The following LHX4 variants were observed in gnomAD, a reference collection of about 807,000 sequenced individuals.
The protein encoded by LHX4 is LIM/homeobox protein Lhx4.
A neutral mutation model predicts 39.2 loss-of-function variants in LHX4; 16 were observed. The observed-to-expected ratio is 0.41, with a 90% CI of 0.28 to 0.62. The LOEUF is 0.62. Among genes scored for constraint, LHX4 ranks in the 20% least tolerant of loss-of-function variants. The probability of loss-of-function intolerance (pLI) is 0.33; values close to 1 mark genes in which losing one functional copy is unlikely to be tolerated. For synonymous variants in LHX4, 206 were observed against 198.1 expected (o/e 1.04, Z -0.33); for missense variants, 439 against 511.9 (o/e 0.86, Z 1.37).
rs1340315414 is a variant in LHX4, at chr1:180,275,696, T to C, written c.*1117T>C. 2 of 152,120 alleles carry C rather than the reference T, an allele frequency of 1.3e-5. No homozygotes were observed. Among genetic ancestry groups the C allele is most frequent in the Non-Finnish European group, 1.5e-5 (1 of 68,050 alleles). The allele number at this position is 152,120 out of a possible 1,614,324, so 9.4% of individuals were successfully genotyped here. ...GCAATTTTTTTTTGGCCTACCTTGG[T>C]TGGGAAGAGTAATTTAGGGAGCAGC... On this transcript the variant is annotated 3_prime_UTR_variant, in exon 6 of 6. Coordinates refer to ENST00000263726, the MANE Select transcript of LHX4 (RefSeq NM_033343.4).
chr1:180,258,728 C>T (rs965910418), intron 2 of LHX4, among the ~76,000 whole-genome samples: 7 of 152,028 alleles, frequency 4.6e-5, no homozygotes, highest in African/African-American at 1.7e-4. Context: ...CTCTTGAGCC[C>T]AGGAATTCAA....
rs1282372561 is a variant in LHX4, at chr1:180,275,350, C to G, written c.*771C>G. On this transcript the variant is annotated 3_prime_UTR_variant, in exon 6 of 6. Coordinates refer to ENST00000263726, the MANE Select transcript of LHX4 (RefSeq NM_033343.4). ...GTCGTCCCCTTGGTGCACAGTGTGC[C>G]TTCTTCAATTGCTTGTATCATTTAT... 2 of 152,192 alleles carry G rather than the reference C, an allele frequency of 1.3e-5. No individual in the cohort carries two copies. Among genetic ancestry groups the G allele is most frequent in the Admixed American group, 6.5e-5 (1 of 15,280 alleles). 9.4% of individuals were successfully genotyped at this position (152,192 alleles called of 1,614,324 possible).
intron 2 of LHX4, among the ~76,000 whole-genome samples, chr1:180,253,822 T>C (rs2149258480): frequency 6.6e-6 from 1 of 152,328 alleles, no homozygotes. Context: ...GGGCCTGCGC[T>C]GGCTTTCCTG....
intron 2 of LHX4, among the ~76,000 whole-genome samples, chr1:180,260,709 C>A (rs1003588146): frequency 6.6e-5 from 10 of 151,754 alleles, no homozygotes; most frequent in African/African-American, 2.4e-4. Context: ...CCCTGGCCAC[C>A]CCAGCACTGC....
chr1:180,232,250 A>G lies in LHX4; in HGVS notation c.76+1645A>G, dbSNP rs1408965732. 2.0e-5 allele frequency among the ~76,000 whole-genome samples: 3 copies of G among 152,180 alleles called. No individual in the cohort carries two copies. Among genetic ancestry groups the G allele is most frequent in the Non-Finnish European group, 4.4e-5 (3 of 68,034 alleles). On this transcript the variant is annotated intron_variant, in intron 1 of 5. Transcript: ENST00000263726. The surrounding 1 kb of genome is among the most constrained non-coding windows in gnomAD (Gnocchi z 5.4). ...GTTACTAGTGTCCTTGGTACCCAGT[A>G]CGTCTGTGCTTTCATGGCTGTGGTC...
At position 180,278,817 on chromosome 1, in the gene LHX4, T is replaced by TGG. The variant is rs1649200098; in HGVS notation, c.*4241_*4242dup. ...TAAAGAGAAATGAAGTCTCGTTTCC[T>TGG]GGGGAAAAAAAAGAAAAAAAGAAAA... On this transcript the variant is annotated 3_prime_UTR_variant, in exon 6 of 6. Transcript: ENST00000263726. The TGG allele has an allele frequency of 4.7e-5, 7 of 149,960 alleles. No homozygotes were observed. The highest frequency in any genetic ancestry group is 1.8e-4 in the African/African-American group (7 of 39,934). 9.3% of individuals were successfully genotyped at this position (149,960 alleles called of 1,614,324 possible). A position where few individuals can be genotyped will look rare whatever the true frequency, so the allele number is the denominator to read the frequency against.
Position 180,274,689 on chromosome 1 carries a change from T to G in LHX4, c.*110T>G. On this transcript the variant is annotated 3_prime_UTR_variant, in exon 6 of 6. Coordinates refer to ENST00000263726, the MANE Select transcript of LHX4 (RefSeq NM_033343.4). Reference sequence around the variant, plus strand: ...AAAGTACGCCAATGTGAATTTCCATTATTTTCAATGGAAGTCCTCCGCTGA... The same window carrying G: ...AAAGTACGCCAATGTGAATTTCCATGATTTTCAATGGAAGTCCTCCGCTGA... The G allele has an allele frequency of 1.6e-6, 2 of 1,288,380 alleles. No homozygotes were observed. Among genetic ancestry groups the G allele is most frequent in the Non-Finnish European group, 2.1e-6 (2 of 943,172 alleles). The allele number at this position is 1,288,380 out of a possible 1,614,324, so 79.8% of individuals were successfully genotyped here.
At chr1:180,250,153 CCCT>C (rs1395674430) in intron 2 of LHX4, among the ~76,000 whole-genome samples, 5 of 152,230 alleles carry the variant, frequency 3.3e-5, no homozygotes, top group Non-Finnish European at 2.9e-5. Context: ...CCACCTCTGA[CCCT>C]CCTCTAGTTT....
chr1:180,268,067 C>T (rs919989445), intron 3 of LHX4, among the ~76,000 whole-genome samples: 4 of 152,222 alleles, frequency 2.6e-5, no homozygotes, highest in Admixed American at 6.5e-5. Context: ...TCCCAAGGCT[C>T]TTTGCCTGCA....
rs1664251298 is a variant in LHX4, at chr1:180,234,174, TATATATATATATATATATA to T, written c.76+3570_76+3588del. ...ACACACACAACACACACAAATTATA[TATATATATATATATATATA>T]TATATATATATATATATATATATAT... On this transcript the variant is annotated intron_variant, in intron 1 of 5. Coordinates refer to ENST00000263726, the MANE Select transcript of LHX4 (RefSeq NM_033343.4). The surrounding 1 kb of genome is among the most constrained non-coding windows in gnomAD (Gnocchi z 4.8). Among the ~76,000 whole-genome samples the T allele has an allele frequency of 2.8e-4, 3 of 10,864 alleles. No homozygotes were observed. The highest frequency in any genetic ancestry group is 5.5e-4 in the Non-Finnish European group (3 of 5,502). 7.1% of individuals were successfully genotyped at this position (10,864 alleles called of 152,430 possible). A position where few individuals can be genotyped will look rare whatever the true frequency, so the allele number is the denominator to read the frequency against.
At chr1:180,255,337 T>C (rs1436708852) in intron 2 of LHX4, among the ~76,000 whole-genome samples, 2 of 152,080 alleles carry the variant, frequency 1.3e-5, no homozygotes, top group East Asian at 1.9e-4. Context: ...CACACACACA[T>C]GCACACATGC....
chr1:180,230,268 C>A lies in LHX4; in HGVS notation c.-262C>A, dbSNP rs1372815501. 1 of 559,600 alleles carries A rather than the reference C, an allele frequency of 1.8e-6. No individual in the cohort carries two copies. Among genetic ancestry groups the A allele is most frequent in the South Asian group, 2.1e-5 (1 of 48,628 alleles). 34.7% of individuals were successfully genotyped at this position (559,600 alleles called of 1,614,324 possible). ...GGAGGGAAGAGGAAAAAAGCCAGAG[C>A]TGCAGCAACAGCGTCTCAACCTGGG... is the stretch of plus-strand genomic sequence containing the variant. On this transcript the variant is annotated 5_prime_UTR_variant, in exon 1 of 6. In the 5' UTR this introduces an upstream ATG that the reference lacks. Transcript: ENST00000263726. This position sits in a 1 kb window ranked among gnomAD's most constrained non-coding sequence, Gnocchi z 5.8.
At chr1:180,249,360 C>T (rs968857469) in intron 2 of LHX4, among the ~76,000 whole-genome samples, 1 of 152,202 alleles carries the variant, frequency 6.6e-6, no homozygotes, top group Non-Finnish European at 1.5e-5. Context: ...TAGTCCTTGA[C>T]TTCTCTCCCA....
intron 1 of LHX4, among the ~76,000 whole-genome samples, chr1:180,235,474 C>T (rs1664293470): frequency 6.6e-6 from 1 of 152,228 alleles, no homozygotes; most frequent in Non-Finnish European, 1.5e-5. Flanking sequence ...CAAAATTAAA[C>T]CCCAACCCTG....
chr1:180,264,748 G>A (rs1413829699), intron 2 of LHX4, among the ~76,000 whole-genome samples: 12 of 152,156 alleles, frequency 7.9e-5, no homozygotes, highest in Admixed American at 2.0e-4. Flanking sequence ...TGACCCTCAC[G>A]CAGAGAACTC....
chr1:180,235,444 G>C (rs1664293074), intron 1 of LHX4, among the ~76,000 whole-genome samples: 1 of 152,232 alleles, frequency 6.6e-6, no homozygotes, highest in South Asian at 2.1e-4. Flanking sequence ...GACCCATTTC[G>C]TTCCAAGCAT....
rs1215710703 is a variant in LHX4, at chr1:180,266,344, G to A, written c.249-48G>A. The A allele has an allele frequency of 3.1e-6, 5 of 1,597,934 alleles. No homozygotes were observed. Among genetic ancestry groups the A allele is most frequent in the Non-Finnish European group, 4.3e-6 (5 of 1,166,544 alleles). On this transcript the variant is annotated intron_variant, in intron 2 of 5. Coordinates refer to ENST00000263726, the MANE Select transcript of LHX4 (RefSeq NM_033343.4). This position sits in a 1 kb window ranked among gnomAD's most constrained non-coding sequence, Gnocchi z 5.7. ...TGCTCCAGGAAGTTGGGGGAAGCCAGATCCCTTGCTCCCTGTGTGCCCTAA... is the reference window on the plus strand; with the variant it reads ...TGCTCCAGGAAGTTGGGGGAAGCCAAATCCCTTGCTCCCTGTGTGCCCTAA...
Position 180,234,217 on chromosome 1 carries a change from A to ATATT in LHX4, c.76+3615_76+3616insTTAT, listed in dbSNP as rs1664258423. 1.3e-5 allele frequency among the ~76,000 whole-genome samples: 1 copy of ATATT among 74,956 alleles called. No homozygotes were observed. Among genetic ancestry groups the ATATT allele is most frequent in the Non-Finnish European group, 2.4e-5 (1 of 41,046 alleles). The allele number at this position is 74,956 out of a possible 152,430, so 49.2% of individuals were successfully genotyped here. A position where few individuals can be genotyped will look rare whatever the true frequency, so the allele number is the denominator to read the frequency against. The stretch of plus-strand genomic sequence containing the variant: ...TATATATATATATATATATATATAT[A>ATATT]TATAATAGATTGAGATTCTATCATA... On this transcript the variant is annotated intron_variant, in intron 1 of 5. Coordinates refer to ENST00000263726, the MANE Select transcript of LHX4 (RefSeq NM_033343.4). This position sits in a 1 kb window ranked among gnomAD's most constrained non-coding sequence, Gnocchi z 4.8.
At chr1:180,260,758 G>A (rs1440085211) in intron 2 of LHX4, among the ~76,000 whole-genome samples, 3 of 151,842 alleles carry the variant, frequency 2.0e-5, no homozygotes, top group Non-Finnish European at 4.4e-5. Flanking sequence ...AGAGCCACAT[G>A]AGGGGGACAG....
Sources: gnomAD v4.1 joint callset for allele counts (sites outside exome capture counted in the v4.1 genomes callset) on GRCh38, gnomAD v4.1.1 for gene constraint, Gnocchi (gnomAD v3.1) non-coding constraint, MANE v1.5 for transcripts, NCBI Gene and HGNC (gene_info 2026-07-23, HGNC 2026-07-21) for gene names.